CTIF: variants seen among roughly 807,000 people sequenced by gnomAD.
The protein encoded by CTIF is CBP80/20-dependent translation initiation factor.
In CTIF, 21 loss-of-function variants were observed where a neutral mutation model predicts 66.0. The observed-to-expected ratio is 0.32, with a 90% CI of 0.23 to 0.46. CTIF has a LOEUF of 0.46. CTIF is among the 20% of genes least tolerant of loss of function. The probability of loss-of-function intolerance (pLI) is 1.00; values close to 1 mark genes in which losing one functional copy is unlikely to be tolerated. For synonymous variants in CTIF, 345 were observed against 326.4 expected (o/e 1.06, Z -0.62); for missense variants, 739 against 812.7 (o/e 0.91, Z 1.10).
At chr18:48,665,793 T>C (rs747833055) in intron 5 of CTIF, among the ~76,000 whole-genome samples, 1 of 152,270 alleles carries the variant, frequency 6.6e-6, no homozygotes, top group Non-Finnish European at 1.5e-5. Context: ...CATTATAGCA[T>C]GTAGCAGAAC....
intron 10 of CTIF, among the ~76,000 whole-genome samples, chr18:48,820,200 G>A (rs2068453800): frequency 6.6e-6 from 1 of 152,160 alleles, no homozygotes; most frequent in Non-Finnish European, 1.5e-5. Flanking sequence ...TGGGCCAAAA[G>A]AAAAGATGGG....
intron 10 of CTIF, among the ~76,000 whole-genome samples, chr18:48,832,701 C>A (rs1212631222): frequency 6.6e-6 from 1 of 152,222 alleles, no homozygotes; most frequent in African/African-American, 2.4e-5. Context: ...TTCTCCCTTA[C>A]TCAGAAGTAT....
At chr18:48,829,684 G>T (rs996292973) in intron 10 of CTIF, among the ~76,000 whole-genome samples, 3 of 152,206 alleles carry the variant, frequency 2.0e-5, no homozygotes, top group African/African-American at 4.8e-5. Context: ...TGGGGTCCCT[G>T]TCCTCACAGA....
chr18:48,571,024 A>C (rs769164480), intron 1 of CTIF, among the ~76,000 whole-genome samples: 3 of 152,226 alleles, frequency 2.0e-5, no homozygotes, highest in Non-Finnish European at 4.4e-5. Context: ...TAAAGTAGTT[A>C]ATTTCATGTT....
chr18:48,580,289 AG>A (rs113374999), intron 1 of CTIF, among the ~76,000 whole-genome samples: 4,536 of 152,260 alleles, frequency 0.03, 217 homozygotes, highest in African/African-American at 0.1. Context: ...TCCCCTCAGG[AG>A]GGTCAATGAC....
intron 1 of CTIF, among the ~76,000 whole-genome samples, chr18:48,549,508 G>A (rs1171730105): frequency 6.6e-6 from 1 of 152,206 alleles, no homozygotes; most frequent in Non-Finnish European, 1.5e-5. Flanking sequence ...ATCATTTCAA[G>A]GACTCTGTCT....
intron 1 of CTIF, among the ~76,000 whole-genome samples, chr18:48,591,453 A>G (rs8097948): frequency 0.13 from 19,295 of 152,218 alleles, 1,480 homozygotes; most frequent in African/African-American, 0.22. Flanking sequence ...CACGTCCAGT[A>G]TGTGCCCTTA....
chr18:48,559,311 G>A (rs557803915), intron 1 of CTIF, among the ~76,000 whole-genome samples: 18 of 151,766 alleles, frequency 1.2e-4, no homozygotes, highest in East Asian at 7.7e-4. Context: ...ATCTTAGCTC[G>A]TTTATTAATA....
chr18:48,624,837 G>C (rs2090565538), intron 2 of CTIF, among the ~76,000 whole-genome samples: 1 of 152,208 alleles, frequency 6.6e-6, no homozygotes, highest in Non-Finnish European at 1.5e-5. Flanking sequence ...TACATTTAAT[G>C]ACAGCATAGT....
chr18:48,647,706 G>A (rs986006626), intron 3 of CTIF, among the ~76,000 whole-genome samples: 12 of 152,220 alleles, frequency 7.9e-5, no homozygotes, highest in African/African-American at 2.9e-4. Context: ...AACAGGAAAG[G>A]GATAGAACTG....
chr18:48,619,883 A>C (rs946606387), intron 2 of CTIF, 138 bp downstream of exon 2: 1 of 874,500 alleles, frequency 1.1e-6, no homozygotes, highest in Non-Finnish European at 1.6e-6. Context: ...GAGCACCCAG[A>C]ATCTGGCAGG....
intron 6 of CTIF, among the ~76,000 whole-genome samples, chr18:48,693,963 C>T (rs2091970359): frequency 6.6e-6 from 1 of 152,332 alleles, no homozygotes. Flanking sequence ...GCAGTTTATG[C>T]GTTGGTGCCT....
chr18:48,739,086 T>C (rs1598956276), intron 7 of CTIF, among the ~76,000 whole-genome samples: 1 of 152,110 alleles, frequency 6.6e-6, no homozygotes, highest in African/African-American at 2.4e-5. Flanking sequence ...GGTCCCCCTG[T>C]CTCTAAGTCT....
chr18:48,700,914 C>T (rs1251796059), intron 6 of CTIF, among the ~76,000 whole-genome samples: 2 of 152,220 alleles, frequency 1.3e-5, no homozygotes, highest in African/African-American at 4.8e-5. Flanking sequence ...GAGCATCACT[C>T]CTCTTCTAGA....
chr18:48,852,465 C>T (rs1434193654), intron 10 of CTIF, among the ~76,000 whole-genome samples: 1 of 152,084 alleles, frequency 6.6e-6, no homozygotes, highest in African/African-American at 2.4e-5. Context: ...CACCCCCCAC[C>T]TCCAACTTTT....
At position 48,741,285 on chromosome 18, in the gene CTIF, CCCT is replaced by C. The variant is rs201336424; in HGVS notation, c.585-16630_585-16628del. 9.7e-3 allele frequency among the ~76,000 whole-genome samples: 1,408 copies of C among 144,438 alleles called. 41 individuals carry two copies. The highest frequency in any genetic ancestry group is 0.028 in the Admixed American group (413 of 14,492). 94.8% of individuals were successfully genotyped at this position (144,438 alleles called of 152,430 possible). On this transcript the variant is annotated intron_variant, in intron 7 of 11. Coordinates refer to ENST00000256413, the MANE Select transcript of CTIF (RefSeq NM_014772.3). Reference sequence around the variant, plus strand: ...CTGCTCTTTACTCTGCCCCCGCCCCCCCTCCTTGGTACATGTTGCCAGGCAGTG... The same window carrying C: ...CTGCTCTTTACTCTGCCCCCGCCCCCCCTTGGTACATGTTGCCAGGCAGTG...
chr18:48,739,841 G>A (rs557882974), intron 7 of CTIF, among the ~76,000 whole-genome samples: 9 of 152,248 alleles, frequency 5.9e-5, no homozygotes, highest in East Asian at 3.9e-4. Context: ...ATATTTACCC[G>A]TCGGCTCCTC....
chr18:48,748,842 T>G (rs1907509857), intron 7 of CTIF, among the ~76,000 whole-genome samples: 1 of 152,188 alleles, frequency 6.6e-6, no homozygotes, highest in South Asian at 2.1e-4. Context: ...TAACTGTTGG[T>G]CAGTGATCAG....
intron 4 of CTIF, 65 bp from the exon 5 acceptor site, chr18:48,664,382 T>C: frequency 2.1e-6 from 3 of 1,414,176 alleles, no homozygotes; most frequent in Non-Finnish European, 3.0e-6. Context: ...CCTGGCCCCC[T>C]GGTTCCGTCA....
Sources: allele counts gnomAD v4.1 joint callset (sites outside exome capture counted in the v4.1 genomes callset), GRCh38; gene constraint gnomAD v4.1.1; transcripts MANE v1.5; gene names NCBI Gene and HGNC (gene_info 2026-07-23, HGNC 2026-07-21).